The following GRIN2D variants were observed in gnomAD, a reference collection of about 807,000 sequenced individuals.
GRIN2D encodes the protein glutamate receptor ionotropic, NMDA 2D.
GRIN2D carries 37 observed loss-of-function variants against 103.2 expected under a neutral mutation model. The ratio of observed to expected loss-of-function variants is 0.36; its 90% CI spans 0.28 to 0.47. The LOEUF (loss-of-function observed/expected upper bound fraction) is 0.47, where lower values mean the gene tolerates loss of function less well. Ranked by LOEUF, GRIN2D falls within the 20% of genes least tolerant of loss-of-function variation. GRIN2D has a pLI of 1.00. For missense variants in GRIN2D, 1,557 were observed against 1,910.6 expected, an observed-to-expected ratio of 0.81 and a Z score of 3.45; for synonymous variants, 845 against 885.6, an observed-to-expected ratio of 0.95 and a Z score of 0.81.
At chr19:48,426,471 C>T (rs891789575) in intron 11 of GRIN2D, among the ~76,000 whole-genome samples, 1 of 151,974 alleles carries the variant, frequency 6.6e-6, no homozygotes, top group African/African-American at 2.4e-5. Context: ...GGTGATCCAA[C>T]CGCCTTGGCC....
At chr19:48,410,420 C>T (rs1970843774) in intron 4 of GRIN2D, among the ~76,000 whole-genome samples, 1 of 145,300 alleles carries the variant, frequency 6.9e-6, no homozygotes, top group Non-Finnish European at 1.5e-5. Flanking sequence ...CCCAGCTACT[C>T]GGGAGGCTGA....
intron 9 of GRIN2D, 76 bp downstream of exon 9, chr19:48,419,435 C>G: frequency 2.0e-6 from 3 of 1,530,468 alleles, no homozygotes; most frequent in Non-Finnish European, 2.6e-6. Context: ...TCCCAGCAGC[C>G]CCTGGAGGGG....
rs2147457491 is a variant in GRIN2D at position 48,421,547 on chromosome 19, CTGG to C, written c.2092-237_2092-235del. On this transcript the variant is annotated intron_variant, in intron 10 of 13. Coordinates refer to ENST00000263269, the MANE Select transcript of GRIN2D (RefSeq NM_000836.4). This position sits in a 1 kb window ranked among gnomAD's most constrained non-coding sequence, Gnocchi z 4.8. ...GATTCAGTAAGTGAAGACTTAACAC[CTGG>C]CACATCAGGGGCCTCAGGGAGGCTT... Among the ~76,000 whole-genome samples, 2 of 152,314 alleles carry C rather than the reference CTGG, an allele frequency of 1.3e-5. No homozygotes were observed. Among genetic ancestry groups the C allele is most frequent in the East Asian group, 3.9e-4 (2 of 5,192 alleles).
chr19:48,430,821 CTTTT>C (rs557084994), intron 11 of GRIN2D, among the ~76,000 whole-genome samples: 10 of 128,896 alleles, frequency 7.8e-5, no homozygotes, highest in Non-Finnish European at 1.5e-4. Flanking sequence ...TTTCTTTTTT[CTTTT>C]TTTTTTTTTT....
chr19:48,432,472 CTGTT>C (rs562714119), intron 11 of GRIN2D, among the ~76,000 whole-genome samples: 4 of 152,034 alleles, frequency 2.6e-5, no homozygotes, highest in South Asian at 2.1e-4. Context: ...CTTCATTTCT[CTGTT>C]TGTTTATTTA....
chr19:48,408,206 C>A (rs1043049801), intron 4 of GRIN2D, among the ~76,000 whole-genome samples: 4 of 151,122 alleles, frequency 2.6e-5, no homozygotes, highest in Non-Finnish European at 5.9e-5. Context: ...TGGTGGCGGG[C>A]GCCTGTAGTC....
chr19:48,414,507 G>A lies in GRIN2D; in HGVS notation c.1335G>A (p.Val445=). ...ATLEERPFVI[V]EPADPISGTC... ...TGGAGGAAAGGCCGTTTGTCATCGT[G>A]GAGCCTGCAGACCCTATCAGCGGCA... The change falls in exon 6 of 14, where the codon GTG becomes GTA. Residue 445 remains valine, a synonymous_variant. Transcript: ENST00000263269. This position sits in a 1 kb window ranked among gnomAD's most constrained non-coding sequence, Gnocchi z 4.6. 3 of 1,575,232 alleles carry A rather than the reference G, an allele frequency of 1.9e-6. No homozygotes were observed. The highest frequency in any genetic ancestry group is 2.6e-6 in the Non-Finnish European group (3 of 1,160,520).
intron 11 of GRIN2D, among the ~76,000 whole-genome samples, chr19:48,439,062 G>A (rs894181647): frequency 6.6e-6 from 1 of 150,438 alleles, no homozygotes; most frequent in Non-Finnish European, 1.5e-5. Context: ...TTACAGGCAT[G>A]AGCCATCATG....
chr19:48,406,086 T>C (rs276721), intron 4 of GRIN2D, among the ~76,000 whole-genome samples: 44,296 of 152,118 alleles, frequency 0.29, 8,344 homozygotes, highest in African/African-American at 0.53. Context: ...TTCTGATTGG[T>C]TGGACGTCTA....
At position 48,442,125 on chromosome 19, in the gene GRIN2D, G is replaced by T; in HGVS notation, c.2441-25G>T. 6.2e-7 allele frequency: 1 copy of T among 1,604,728 alleles called. No homozygotes were observed. ...GGTCCTCAGAGGGTACTCATAGCAG[G>T]TGACTTTTGACCGCCCCTCCCTAGA... On this transcript the variant is annotated intron_variant, in intron 12 of 13. Transcript: ENST00000263269. The surrounding 1 kb of genome is among the most constrained non-coding windows in gnomAD (Gnocchi z 7.2).
At chr19:48,415,523 A>G (rs1970936389) in intron 7 of GRIN2D, among the ~76,000 whole-genome samples, 1 of 82,876 alleles carries the variant, frequency 1.2e-5, no homozygotes, top group African/African-American at 4.7e-5. Context: ...CGGGGTTTGG[A>G]GGAGGGACTT....
chr19:48,401,371 A>T (rs975094343), intron 3 of GRIN2D, among the ~76,000 whole-genome samples: 1 of 152,198 alleles, frequency 6.6e-6, no homozygotes, highest in African/African-American at 2.4e-5. Flanking sequence ...GAGGAAATCA[A>T]CACAGGATGT....
intron 3 of GRIN2D, among the ~76,000 whole-genome samples, chr19:48,401,150 G>A (rs112405291): frequency 0.01 from 1,577 of 151,830 alleles, 35 homozygotes; most frequent in African/African-American, 0.035. Flanking sequence ...TCCCCTGTGC[G>A]CCTAGGGAGA....
rs762247566 is a variant in GRIN2D, at chr19:48,443,329, G to T, written c.3403G>T (p.Ala1135Ser). 6.5e-7 allele frequency: 1 copy of T among 1,540,450 alleles called. No individual in the cohort carries two copies. The highest frequency in any genetic ancestry group is 8.7e-7 in the Non-Finnish European group (1 of 1,153,598). The part of the protein sequence containing the change: ...SLGGLEPWWF[A>S]DFPYPYAERL... Reference sequence around the variant, plus strand: ...GGGCGGCCTGGAGCCCTGGTGGTTCGCCGACTTCCCTTACCCGTATGCCGA... The same window carrying T: ...GGGCGGCCTGGAGCCCTGGTGGTTCTCCGACTTCCCTTACCCGTATGCCGA... The change falls in exon 14 of 14, where the codon GCC (alanine) becomes TCC (serine). Residue 1135 changes from alanine (A) to serine (S), a missense_variant. Coordinates refer to ENST00000263269, the MANE Select transcript of GRIN2D (RefSeq NM_000836.4). This position sits in a 1 kb window ranked among gnomAD's most constrained non-coding sequence, Gnocchi z 8.9.
At chr19:48,440,450 A>C (rs1020284841) in intron 11 of GRIN2D, among the ~76,000 whole-genome samples, 1 of 151,726 alleles carries the variant, frequency 6.6e-6, no homozygotes, top group Admixed American at 6.6e-5. Context: ...AAAATTAGCC[A>C]GATGTGGTGA....
chr19:48,407,693 T>C (rs925853769), intron 4 of GRIN2D, among the ~76,000 whole-genome samples: 6 of 152,166 alleles, frequency 3.9e-5, no homozygotes, highest in Non-Finnish European at 7.3e-5. Context: ...TAGTGTTAAA[T>C]AAGGTCCCTG....
chr19:48,398,821 C>T lies in GRIN2D; in HGVS notation c.429C>T (p.Ala143=). The change falls in exon 3 of 14, where the codon GCC becomes GCT. Residue 143 remains alanine (A), a synonymous_variant. Transcript: ENST00000263269. ...CGCAGACCTCGCTGCCCATCGTGGC[C>T]GTGCACGGCGGCGCCGCGCTCGTGC... The part of the protein sequence containing the change: ...LSAQTSLPIV[A]VHGGAALVLT... The T allele has an allele frequency of 1.4e-6, 2 of 1,416,550 alleles. No individual in the cohort carries two copies. Among genetic ancestry groups the T allele is most frequent in the Non-Finnish European group, 1.8e-6 (2 of 1,087,242 alleles). The allele number at this position is 1,416,550 out of a possible 1,614,324, so 87.7% of individuals were successfully genotyped here. A position where few individuals can be genotyped will look rare whatever the true frequency, so the allele number is the denominator to read the frequency against.
rs1388648971 is a variant in GRIN2D, at chr19:48,442,753, T to G, written c.2827T>G (p.Trp943Gly). The change falls in exon 14 of 14, where the codon TGG (tryptophan) becomes GGG (glycine). Residue 943 changes from tryptophan (W) to glycine (G), a missense_variant. Coordinates refer to ENST00000263269, the MANE Select transcript of GRIN2D (RefSeq NM_000836.4). This position sits in a 1 kb window ranked among gnomAD's most constrained non-coding sequence, Gnocchi z 7.2. ...VPRERASVDRWRRTKGAGPPG... is the reference protein window; with the variant it reads ...VPRERASVDRGRRTKGAGPPG... ...CCGCGAGCGCGCCTCAGTGGACCGC[T>G]GGCGCCGGACCAAGGGCGCGGGGCC... 2 of 1,081,346 alleles carry G rather than the reference T, an allele frequency of 1.8e-6. No homozygotes were observed. The highest frequency in any genetic ancestry group is 1.1e-4 in the Admixed American group (2 of 18,476). 67.0% of individuals were successfully genotyped at this position (1,081,346 alleles called of 1,614,324 possible).
At chr19:48,431,175 C>G (rs1484232905) in intron 11 of GRIN2D, among the ~76,000 whole-genome samples, 1 of 152,196 alleles carries the variant, frequency 6.6e-6, no homozygotes, top group African/African-American at 2.4e-5. Context: ...CTGCTCCAGC[C>G]TGGGCATAGC....
Sources: allele counts gnomAD v4.1 joint callset (sites outside exome capture counted in the v4.1 genomes callset), GRCh38; gene constraint gnomAD v4.1.1; non-coding constraint Gnocchi (gnomAD v3.1); transcripts MANE v1.5; gene names NCBI Gene and HGNC (gene_info 2026-07-23, HGNC 2026-07-21).